The following SYNE1 variants were observed in gnomAD, a reference collection of about 807,000 sequenced individuals.
SYNE1 encodes spectrin repeat containing nuclear envelope protein 1.
SYNE1 carries 616 observed loss-of-function variants against 1,111.0 expected under a neutral mutation model. The observed-to-expected ratio is 0.55, with a 90% CI of 0.52 to 0.59. The LOEUF (loss-of-function observed/expected upper bound fraction) is 0.59, where lower values mean the gene tolerates loss of function less well. Ranked by LOEUF, SYNE1 falls within the 20% of genes least tolerant of loss-of-function variation. SYNE1 has a pLI of 0.00. For missense variants in SYNE1, 10,006 were observed against 10,417.0 expected (o/e 0.96, Z 1.72); for synonymous variants, 3,855 against 3,825.8 (o/e 1.01, Z -0.28).
intron 100 of SYNE1, among the ~76,000 whole-genome samples, chr6:152,265,207 G>GA (rs36042696): frequency 0.58 from 51,399 of 87,946 alleles, 12,874 homozygotes; most frequent in East Asian, 0.74. Flanking sequence ...CTCTGTCTCA[G>GA]AAAAAAAAAA....
At chr6:152,288,193 T>G (rs2094430585) in intron 95 of SYNE1, among the ~76,000 whole-genome samples, 1 of 152,044 alleles carries the variant, frequency 6.6e-6, no homozygotes, top group African/African-American at 2.4e-5. Flanking sequence ...TCACACTGTG[T>G]TCATTCTCAT....
intron 4 of SYNE1, among the ~76,000 whole-genome samples, chr6:152,536,899 G>A (rs746338195): frequency 6.6e-6 from 1 of 152,014 alleles, no homozygotes. Context: ...CTTGTGTGAG[G>A]GTTAAATAAA....
intron 145 of SYNE1, among the ~76,000 whole-genome samples, chr6:152,130,090 C>G (rs1209661656): frequency 6.6e-6 from 1 of 152,038 alleles, no homozygotes; most frequent in East Asian, 1.9e-4. Context: ...TGGGCAGGGG[C>G]ACTGGCTGCT....
chr6:152,429,970 A>G, intron 36 of SYNE1, 142 bp downstream of exon 36: 1 of 654,250 alleles, frequency 1.5e-6, no homozygotes. Context: ...AAGTGAATAC[A>G]TTAGATCTAT....
rs762081594 is a variant in SYNE1 at position 152,233,817 on chromosome 6, T to C, written c.20676A>G (p.Leu6892=). Residue 6892 remains leucine (L), a synonymous_variant, in exon 112 of 146, where the codon CTA becomes CTG. Transcript: ENST00000367255. Reference sequence around the variant, plus strand: ...TCTCCTGGACGGCTGGGATATTGGTTAGCAGGTCAGTCCACTGGCTATCAA... The same window carrying C: ...TCTCCTGGACGGCTGGGATATTGGTCAGCAGGTCAGTCCACTGGCTATCAA... ...SRIDSQWTDL[L]TNIPAVQEKL... 2 of 1,614,186 alleles carry C rather than the reference T, an allele frequency of 1.2e-6. No homozygotes were observed. The highest frequency in any genetic ancestry group is 2.2e-5 in the South Asian group (2 of 91,076).
At chr6:152,244,404 G>A (rs2086560339) in intron 106 of SYNE1, 133 bp downstream of exon 106, 1 of 1,374,624 alleles carries the variant, frequency 7.3e-7, no homozygotes, top group Admixed American at 1.8e-5. Flanking sequence ...TTTTCTAAGA[G>A]TTGCTTGGTA....
chr6:152,188,060 T>C (rs1052861303), intron 128 of SYNE1, among the ~76,000 whole-genome samples: 2 of 152,156 alleles, frequency 1.3e-5, no homozygotes, highest in Admixed American at 1.3e-4. Flanking sequence ...TTTTACCTGT[T>C]TATGCCTGGT....
intron 131 of SYNE1, among the ~76,000 whole-genome samples, chr6:152,159,915 G>T (rs953079885): frequency 5.3e-5 from 8 of 152,160 alleles, no homozygotes; most frequent in African/African-American, 1.9e-4. Context: ...GACTGTTACA[G>T]TACAACTTAG....
At position 152,463,192 on chromosome 6, in the gene SYNE1, G is replaced by A. The variant is rs752332922; in HGVS notation, c.2097+161C>T. 2.3e-4 allele frequency among the ~76,000 whole-genome samples: 35 copies of A among 152,180 alleles called. No individual in the cohort carries two copies. The Middle Eastern group carries it at 0.01, about 44-fold the overall frequency. ...GTGTAATATTCCTCCATTATACATG[G>A]AAAAGAATGAAGAACCAACCATAAA... On this transcript the variant is annotated intron_variant, in intron 19 of 145. Coordinates refer to ENST00000367255, the MANE Select transcript of SYNE1 (RefSeq NM_182961.4).
intron 3 of SYNE1, among the ~76,000 whole-genome samples, chr6:152,571,901 A>T (rs1056771940): frequency 3.9e-5 from 6 of 152,204 alleles, no homozygotes; most frequent in Non-Finnish European, 4.4e-5. Context: ...TGCATTTTTT[A>T]AATTTTTCAA....
intron 74 of SYNE1, among the ~76,000 whole-genome samples, chr6:152,343,683 C>T (rs1353467002): frequency 6.6e-6 from 1 of 151,834 alleles, no homozygotes; most frequent in Non-Finnish European, 1.5e-5. Flanking sequence ...ACCCTGCTAC[C>T]TCAATCCCAG....
At chr6:152,574,384 C>A (rs750945921) in intron 3 of SYNE1, among the ~76,000 whole-genome samples, 4 of 152,036 alleles carry the variant, frequency 2.6e-5, no homozygotes, top group Admixed American at 6.6e-5. Flanking sequence ...CCAAGCTCAA[C>A]CCTGTGTAAT....
rs774759366 is a variant in SYNE1, at chr6:152,354,927, A to G, written c.10658T>C (p.Leu3553Pro). 32 of 1,614,160 alleles carry G rather than the reference A, an allele frequency of 2.0e-5. No individual in the cohort carries two copies. The South Asian group carries it at 2.4e-4, about 12-fold the overall frequency. The change falls in exon 67 of 146, where the codon CTG becomes CCG. Residue 3553 changes from leucine (L) to proline (P), a missense_variant. By Grantham distance (98) the Leu-to-Pro change is moderately conservative (BLOSUM62 -3). This residue lies in a region of SYNE1 where 4,955 missense variants were observed against 5,017.2 expected (regional missense o/e 0.99). Transcript: ENST00000367255. The stretch of plus-strand genomic sequence containing the variant: ...TGGGATCACATCCTCTCTGGTGTGC[A>G]GCACTGAGTTCAACAGGGCCTGCCC... ...AEGQALLNSV[L>P]HTREDVIPSG...
At position 152,310,878 on chromosome 6, in the gene SYNE1, A is replaced by G; in HGVS notation, c.16711-5T>C. On this transcript the variant is annotated splice_polypyrimidine_tract_variant and splice_region_variant and intron_variant, in intron 87 of 145. Coordinates refer to ENST00000367255, the MANE Select transcript of SYNE1 (RefSeq NM_182961.4). ...TTTGGATTCTTCTAGCAGGGTCTAG[A>G]GTGAATTGTCAATATTCATGACATT... is the stretch of plus-strand genomic sequence containing the variant. 6.2e-7 allele frequency: 1 copy of G among 1,613,358 alleles called. No homozygotes were observed. Among genetic ancestry groups the G allele is most frequent in the Non-Finnish European group, 8.5e-7 (1 of 1,179,800 alleles).
chr6:152,141,073 C>T, intron 139 of SYNE1, 130 bp downstream of exon 139: 1 of 1,338,064 alleles, frequency 7.5e-7, no homozygotes, highest in East Asian at 2.3e-5. Flanking sequence ...ACTGTTATAA[C>T]TTGGAAGGAA....
rs556971785 is a variant in SYNE1, at chr6:152,417,940, A to T, written c.5422-925T>A. Among the ~76,000 whole-genome samples, 6 of 152,262 alleles carry T rather than the reference A, an allele frequency of 3.9e-5. No homozygotes were observed. In the East Asian group the frequency reaches 1.2e-3, roughly 29 times the overall value. On this transcript the variant is annotated intron_variant, in intron 40 of 145. Coordinates refer to ENST00000367255, the MANE Select transcript of SYNE1 (RefSeq NM_182961.4). ...CCAAATCCGAGTTGTATTTTATGCA[A>T]GACTTCTGTATAGGAAATTTGACTA... is the stretch of plus-strand genomic sequence containing the variant.
intron 101 of SYNE1, among the ~76,000 whole-genome samples, chr6:152,258,025 A>G (rs928609617): frequency 6.6e-6 from 1 of 152,224 alleles, no homozygotes; most frequent in African/African-American, 2.4e-5. Flanking sequence ...ATCCATACAG[A>G]GAACAATGAC....
chr6:152,496,886 C>T (rs543372236), intron 11 of SYNE1, among the ~76,000 whole-genome samples: 1 of 152,266 alleles, frequency 6.6e-6, no homozygotes, highest in South Asian at 2.1e-4. Flanking sequence ...GTTCCTGCCC[C>T]ACACTAACTG....
At chr6:152,360,140 G>A (rs1016824218) in intron 64 of SYNE1, among the ~76,000 whole-genome samples, 3 of 152,082 alleles carry the variant, frequency 2.0e-5, no homozygotes, top group Admixed American at 1.3e-4. Flanking sequence ...GAATCGTGTC[G>A]CTTCTCAGCT....
Sources: allele counts gnomAD v4.1 joint callset (sites outside exome capture counted in the v4.1 genomes callset), GRCh38; gene constraint gnomAD v4.1.1; regional missense constraint gnomAD v4.1.1; transcripts MANE v1.5; gene names NCBI Gene and HGNC (gene_info 2026-07-23, HGNC 2026-07-21).